Variants in ADGRL2 observed in about 807,000 individuals in gnomAD.
ADGRL2 encodes the protein adhesion G protein-coupled receptor L2, also known as calcium-independent alpha-latrotoxin receptor 2.
A neutral mutation model predicts 157.4 loss-of-function variants in ADGRL2; 44 were observed. The observed-to-expected ratio is 0.28, with a 90% CI of 0.22 to 0.36. ADGRL2 has a LOEUF of 0.36. ADGRL2 is among the 10% of genes least tolerant of loss of function. The probability of loss-of-function intolerance (pLI) is 1.00; values close to 1 mark genes in which losing one functional copy is unlikely to be tolerated. For synonymous variants in ADGRL2, 585 were observed against 624.7 expected (o/e 0.94, Z 0.95); for missense variants, 1,510 against 1,768.9 (o/e 0.85, Z 2.63).
chr1:81,737,290 G>T (rs1234560845), intron 1 of ADGRL2, among the ~76,000 whole-genome samples: 1 of 152,230 alleles, frequency 6.6e-6, no homozygotes, highest in South Asian at 2.1e-4. Context: ...GCATGGCTAG[G>T]AGGCCTCAGG....
In ADGRL2 at chr1:81,971,842, T is replaced by C. The variant is rs1658850918; in HGVS notation, c.2955-10T>C. ...AACTACTAATGCATATTCTTCTCTT[T>C]TCATAATAGTTGCTGGCTTCATGTT... On this transcript the variant is annotated splice_polypyrimidine_tract_variant and intron_variant, in intron 16 of 23. Coordinates refer to ENST00000686636, the MANE Select transcript of ADGRL2 (RefSeq NM_001366006.2). 3.8e-6 allele frequency: 6 copies of C among 1,561,806 alleles called. No homozygotes were observed. In the East Asian group the frequency reaches 1.4e-4, roughly 35 times the overall value.
chr1:81,798,536 T>C (rs986647860), upstream of ADGRL2, among the ~76,000 whole-genome samples: 11 of 151,816 alleles, frequency 7.2e-5, no homozygotes, highest in Non-Finnish European at 1.5e-4. Flanking sequence ...ACACATCCTA[T>C]TGAAATAAGA....
Position 81,993,514 on chromosome 1 carries a change from C to T in ADGRL2, c.*2369C>T, listed in dbSNP as rs1209265760. On this transcript the variant is annotated 3_prime_UTR_variant, in exon 24 of 24. Coordinates refer to ENST00000686636, the MANE Select transcript of ADGRL2 (RefSeq NM_001366006.2). ...AACTCTAAAGACATGAACACTGCAT[C>T]GTACCTAAATGGCTACTGTTCTCTA... Among the ~76,000 whole-genome samples, 1 of 152,120 alleles carries T rather than the reference C, an allele frequency of 6.6e-6. No individual in the cohort carries two copies. Among genetic ancestry groups the T allele is most frequent in the Admixed American group, 6.5e-5 (1 of 15,274 alleles).
chr1:81,787,324 T>G (rs1416983408), intron 2 of ADGRL2, among the ~76,000 whole-genome samples: 5 of 152,214 alleles, frequency 3.3e-5, no homozygotes, highest in Admixed American at 2.6e-4. Flanking sequence ...TATTTGTTTC[T>G]GTCAAGGCAC....
intron 2 of ADGRL2, among the ~76,000 whole-genome samples, chr1:81,483,387 G>C (rs1353382724): frequency 1.3e-5 from 2 of 152,158 alleles, no homozygotes; most frequent in Non-Finnish European, 2.9e-5. Context: ...CGTGCATTTA[G>C]CAACATAGAA....
intron 1 of ADGRL2, among the ~76,000 whole-genome samples, chr1:81,411,742 C>T (rs1204637481): frequency 2.0e-5 from 3 of 151,870 alleles, no homozygotes; most frequent in African/African-American, 4.8e-5. Context: ...TAGCTGGGCA[C>T]AGTGGCGGGC....
intron 6 of ADGRL2, among the ~76,000 whole-genome samples, chr1:81,949,676 C>T (rs947494339): frequency 3.9e-5 from 6 of 152,156 alleles, no homozygotes; most frequent in South Asian, 2.1e-4. Context: ...CAGGCAAGAA[C>T]GGCTGCTGGG....
chr1:81,447,000 A>T (rs2101712100), intron 2 of ADGRL2, among the ~76,000 whole-genome samples: 1 of 152,272 alleles, frequency 6.6e-6, no homozygotes, highest in Admixed American at 6.5e-5. Context: ...TTAAAATGAG[A>T]TATAGGACCT....
intron 1 of ADGRL2, among the ~76,000 whole-genome samples, chr1:81,362,791 A>G (rs2100924597): frequency 6.6e-6 from 1 of 152,110 alleles, no homozygotes; most frequent in East Asian, 1.9e-4. Flanking sequence ...TTTCCATGTT[A>G]TTAAAATCTC....
At chr1:81,462,517 T>C (rs1472636428) in intron 2 of ADGRL2, among the ~76,000 whole-genome samples, 2 of 152,020 alleles carry the variant, frequency 1.3e-5, no homozygotes, top group African/African-American at 4.8e-5. Flanking sequence ...CAAGCAGACT[T>C]GATAAGAAAT....
At chr1:81,475,136 A>T (rs1317643992) in intron 2 of ADGRL2, among the ~76,000 whole-genome samples, 5 of 152,178 alleles carry the variant, frequency 3.3e-5, no homozygotes, top group Admixed American at 3.3e-4. Context: ...AAAATCAACA[A>T]TAAGGATAAA....
At chr1:81,322,109 T>TACACAC (rs1553153255) in intron 1 of ADGRL2, among the ~76,000 whole-genome samples, 7 of 129,850 alleles carry the variant, frequency 5.4e-5, no homozygotes, top group Admixed American at 1.6e-4. Context: ...TATATATATA[T>TACACAC]ACACATATAT....
chr1:81,785,872 C>T (rs1224853303), intron 2 of ADGRL2, among the ~76,000 whole-genome samples: 2 of 151,320 alleles, frequency 1.3e-5, no homozygotes, highest in African/African-American at 2.4e-5. Flanking sequence ...ATTTGGAGGC[C>T]GAGGCAGGAG....
intron 2 of ADGRL2, among the ~76,000 whole-genome samples, chr1:81,858,103 A>G (rs1200784153): frequency 6.6e-6 from 1 of 152,158 alleles, no homozygotes; most frequent in African/African-American, 2.4e-5. Context: ...CATAGAGGAT[A>G]AGAGTTAAAT....
At chr1:81,579,547 GA>G (rs2080864139) in intron 2 of ADGRL2, among the ~76,000 whole-genome samples, 1 of 152,042 alleles carries the variant, frequency 6.6e-6, no homozygotes, top group Admixed American at 6.6e-5. Context: ...ATTTGATGGT[GA>G]AAAAGTGCAA....
chr1:81,538,512 T>G (rs1451750486), intron 2 of ADGRL2, among the ~76,000 whole-genome samples: 1 of 152,224 alleles, frequency 6.6e-6, no homozygotes, highest in Non-Finnish European at 1.5e-5. Flanking sequence ...TCTGAAATTA[T>G]TCATGGTAGT....
intron 2 of ADGRL2, among the ~76,000 whole-genome samples, chr1:81,484,877 G>T (rs555297183): frequency 3.6e-4 from 55 of 152,088 alleles, no homozygotes; most frequent in Non-Finnish European, 7.4e-4. Context: ...TTTGCATGAA[G>T]TTAGTATAAG....
intron 3 of ADGRL2, among the ~76,000 whole-genome samples, chr1:81,928,625 A>T (rs114433899): frequency 0.011 from 1,725 of 152,212 alleles, 31 homozygotes; most frequent in African/African-American, 0.039. Flanking sequence ...ATTTTTACTT[A>T]GTTATTGAGG....
intron 3 of ADGRL2, among the ~76,000 whole-genome samples, chr1:81,613,684 T>C (rs1337572520): frequency 6.6e-6 from 1 of 152,140 alleles, no homozygotes; most frequent in Non-Finnish European, 1.5e-5. Context: ...TTCAGAGAAA[T>C]AGAATGATCA....
Sources: allele counts gnomAD v4.1 joint callset (sites outside exome capture counted in the v4.1 genomes callset), GRCh38; gene constraint gnomAD v4.1.1; transcripts MANE v1.5; gene names NCBI Gene and HGNC (gene_info 2026-07-23, HGNC 2026-07-21).